The following TRIM9 variants were observed in gnomAD, a reference collection of about 807,000 sequenced individuals.
TRIM9 encodes the protein tripartite motif containing 9.
A neutral mutation model predicts 78.3 loss-of-function variants in TRIM9; 26 were observed. The observed-to-expected ratio is 0.33, with a 90% CI of 0.24 to 0.46. The LOEUF is 0.46. Ranked by LOEUF, TRIM9 falls within the 20% of genes least tolerant of loss-of-function variation. TRIM9 has a pLI of 1.00. For synonymous variants in TRIM9, 398 were observed against 416.5 expected, an observed-to-expected ratio of 0.96 and a Z score of 0.54; for missense variants, 787 against 1,036.4, an observed-to-expected ratio of 0.76 and a Z score of 3.30.
At position 51,005,096 on chromosome 14, in the gene TRIM9, C is replaced by T. The variant is rs184444348; in HGVS notation, c.1306+3984G>A. Among the ~76,000 whole-genome samples, 175 of 152,250 alleles carry T rather than the reference C, an allele frequency of 1.1e-3. 2 individuals are homozygous for T. Among genetic ancestry groups the T allele is most frequent in the Admixed American group, 2.6e-3 (39 of 15,288 alleles). On this transcript the variant is annotated intron_variant, in intron 5 of 12. Coordinates refer to ENST00000684578, the MANE Select transcript of TRIM9 (RefSeq NM_001387360.1). ...CAAGCTGTTTCTGGAAAGCTATTAC[C>T]GGTACACTGTTAAAGATAACCCTGA... is the stretch of plus-strand genomic sequence containing the variant.
chr14:51,021,361 G>C (rs1403422668), intron 3 of TRIM9, among the ~76,000 whole-genome samples: 1 of 152,146 alleles, frequency 6.6e-6, no homozygotes, highest in Non-Finnish European at 1.5e-5. Flanking sequence ...GACTGCTCAG[G>C]TGCCAGCTCT....
chr14:50,981,661 T>G (rs185273829), intron 11 of TRIM9, 139 bp downstream of exon 11: 2 of 1,058,756 alleles, frequency 1.9e-6, no homozygotes, highest in Middle Eastern at 2.5e-4. Context: ...CTGAGGCTCA[T>G]AGATTGCCTG....
Position 51,094,369 on chromosome 14 carries a change from C to A in TRIM9, c.571G>T (p.Asp191Tyr). ...MCEQCDVFYCDPCRLRCHPPR... is the reference protein window; with the variant it reads ...MCEQCDVFYCYPCRLRCHPPR... ...GGGTGGCAGCGCAGGCGGCACGGAT[C>A]GCAGTAGAAGACATCGCACTGTTCG... The change falls in exon 1 of 13, where the codon GAT (aspartate) becomes TAT (tyrosine). Residue 191 changes from aspartate to tyrosine, a missense_variant. Around this residue, in one of 3 missense-constraint regions of TRIM9, gnomAD observed 352 missense variants for 472.3 expected, o/e 0.75. Transcript: ENST00000684578. 6.2e-7 allele frequency: 1 copy of A among 1,613,762 alleles called. No homozygotes were observed. Among genetic ancestry groups the A allele is most frequent in the Non-Finnish European group, 8.5e-7 (1 of 1,179,936 alleles).
chr14:50,991,704 C>G (rs1448665783), intron 7 of TRIM9, among the ~76,000 whole-genome samples: 1 of 152,174 alleles, frequency 6.6e-6, no homozygotes, highest in Non-Finnish European at 1.5e-5. Context: ...TCTGAAACAA[C>G]TTTCAACAGC....
chr14:51,008,097 A>G (rs1189985207), intron 5 of TRIM9, among the ~76,000 whole-genome samples: 1 of 152,226 alleles, frequency 6.6e-6, no homozygotes, highest in East Asian at 1.9e-4. Context: ...GCAAATGACA[A>G]AACTATAGAG....
chr14:51,049,006 TC>T (rs1462331464), intron 1 of TRIM9, among the ~76,000 whole-genome samples: 1 of 150,006 alleles, frequency 6.7e-6, no homozygotes, highest in Non-Finnish European at 1.5e-5. Flanking sequence ...AAAGGAAACA[TC>T]CCATCTTGGC....
At position 51,046,738 on chromosome 14, in the gene TRIM9, C is replaced by T. The variant is rs569443458; in HGVS notation, c.823-21378G>A. On this transcript the variant is annotated intron_variant, in intron 1 of 12. Coordinates refer to ENST00000684578, the MANE Select transcript of TRIM9 (RefSeq NM_001387360.1). ...AATTCTGGCTTTCCCATGTATTACC[C>T]GTAAAACCCTGGGCAAATTAAAAAC... 3.9e-5 allele frequency among the ~76,000 whole-genome samples: 6 copies of T among 152,262 alleles called. No individual in the cohort carries two copies. The South Asian group carries it at 1.0e-3, about 26-fold the overall frequency.
intron 1 of TRIM9, among the ~76,000 whole-genome samples, chr14:51,061,040 TTGAG>T (rs1310775029): frequency 2.6e-5 from 4 of 152,220 alleles, no homozygotes; most frequent in Non-Finnish European, 4.4e-5. Flanking sequence ...AACAATGATG[TTGAG>T]TATGTGTTCA....
At chr14:50,985,168 G>A (rs1596097873) in intron 8 of TRIM9, among the ~76,000 whole-genome samples, 2 of 152,188 alleles carry the variant, frequency 1.3e-5, no homozygotes, top group East Asian at 1.9e-4. Context: ...GGCAGTGTTC[G>A]CTACAAAGGA....
intron 1 of TRIM9, among the ~76,000 whole-genome samples, chr14:51,081,340 C>T (rs1020200447): frequency 3.3e-5 from 5 of 152,150 alleles, no homozygotes; most frequent in East Asian, 1.9e-4. Flanking sequence ...AAAGGACAGA[C>T]GATTACAAGT....
chr14:51,038,643 G>A (rs867789961), intron 1 of TRIM9, among the ~76,000 whole-genome samples: 2 of 152,170 alleles, frequency 1.3e-5, no homozygotes, highest in Non-Finnish European at 2.9e-5. Flanking sequence ...GAACAAGAAT[G>A]GGGTATTCAG....
At chr14:51,047,938 C>T (rs770084230) in intron 1 of TRIM9, among the ~76,000 whole-genome samples, 20 of 146,480 alleles carry the variant, frequency 1.4e-4, no homozygotes, top group South Asian at 4.5e-4. Context: ...CCAACCTGGG[C>T]GATACTGTGA....
chr14:51,025,261 A>G lies in TRIM9; in HGVS notation c.918+4T>C, dbSNP rs1438698671. The G allele has an allele frequency of 1.2e-6, 2 of 1,613,666 alleles. No homozygotes were observed. The highest frequency in any genetic ancestry group is 1.1e-5 in the South Asian group (1 of 91,070). ...TTTCCTTGCGTCCCAGGTAACACCC[A>G]TACCTGGATCTGCTGGACCATGTTG... On this transcript the variant is annotated splice_donor_region_variant and intron_variant, in intron 2 of 12. Coordinates refer to ENST00000684578, the MANE Select transcript of TRIM9 (RefSeq NM_001387360.1).
At chr14:51,055,347 G>A (rs1438219137) in intron 1 of TRIM9, among the ~76,000 whole-genome samples, 2 of 152,188 alleles carry the variant, frequency 1.3e-5, no homozygotes, top group East Asian at 3.8e-4. Context: ...AATGTGTGTG[G>A]TAGGTAGAAT....
rs571221878 is a variant in TRIM9, at chr14:50,993,008, G to A, written c.1603+5042C>T. Among the ~76,000 whole-genome samples the A allele has an allele frequency of 2.0e-3, 301 of 152,282 alleles. 4 individuals are homozygous for A. The highest frequency in any genetic ancestry group is 6.9e-3 in the African/African-American group (285 of 41,554). On this transcript the variant is annotated intron_variant, in intron 7 of 12. Transcript: ENST00000684578. ...TTCCCTCCCAGTTAGGACAGGCAGG[G>A]CTGGAAAGCTTCTGTGAATAAATGG... is the stretch of plus-strand genomic sequence containing the variant.
intron 5 of TRIM9, among the ~76,000 whole-genome samples, chr14:51,005,183 T>C (rs1401560390): frequency 1.3e-5 from 2 of 152,218 alleles, no homozygotes; most frequent in East Asian, 3.8e-4. Flanking sequence ...TGCAAGTGTG[T>C]GTGCTCATTC....
At chr14:51,035,219 T>C (rs1023510892) in intron 1 of TRIM9, among the ~76,000 whole-genome samples, 4 of 152,224 alleles carry the variant, frequency 2.6e-5, no homozygotes, top group Non-Finnish European at 5.9e-5. Context: ...CTTTTTTTCT[T>C]CTTCTTAAAG....
chr14:51,063,017 C>T (rs527428034), intron 1 of TRIM9, among the ~76,000 whole-genome samples: 1 of 152,080 alleles, frequency 6.6e-6, no homozygotes, highest in East Asian at 1.9e-4. Flanking sequence ...AATCAAGCAA[C>T]AGAAACACCC....
At chr14:51,031,218 T>C (rs371754337) in intron 1 of TRIM9, among the ~76,000 whole-genome samples, 77 of 151,440 alleles carry the variant, frequency 5.1e-4, no homozygotes, top group African/African-American at 1.8e-3. Context: ...GACCAAGTTA[T>C]AGCCAGGGTC....
Sources: gnomAD v4.1 joint callset for allele counts (sites outside exome capture counted in the v4.1 genomes callset) on GRCh38, gnomAD v4.1.1 for gene constraint, gnomAD v4.1.1 regional missense constraint, MANE v1.5 for transcripts, NCBI Gene and HGNC (gene_info 2026-07-23, HGNC 2026-07-21) for gene names.